The following VPS53 variants were observed in gnomAD, a reference collection of about 807,000 sequenced individuals.
VPS53 encodes the protein VPS53 subunit of GARP complex, also known as vacuolar protein sorting-associated protein 53 homolog.
A neutral mutation model predicts 107.0 loss-of-function variants in VPS53; 70 were observed. The ratio of observed to expected loss-of-function variants is 0.65; its 90% CI spans 0.54 to 0.80. The LOEUF is 0.80. Among genes scored for constraint, VPS53 ranks in the 30% least tolerant of loss-of-function variants. The probability of loss-of-function intolerance (pLI) is 0.00; values close to 1 mark genes in which losing one functional copy is unlikely to be tolerated. For synonymous variants in VPS53, 409 were observed against 393.3 expected, an observed-to-expected ratio of 1.04 and a Z score of -0.47; for missense variants, 917 against 1,049.4, an observed-to-expected ratio of 0.87 and a Z score of 1.74.
chr17:532,992 C>G, intron 18 of VPS53, 81 bp from the exon 19 acceptor site: 5 of 1,525,306 alleles, frequency 3.3e-6, no homozygotes, highest in Non-Finnish European at 4.4e-6. Context: ...TTCCACGTAT[C>G]TCCATGAAAA....
chr17:635,348 C>A (rs1174061934), intron 7 of VPS53, among the ~76,000 whole-genome samples: 1 of 152,164 alleles, frequency 6.6e-6, no homozygotes. Flanking sequence ...CTGTAGGTTG[C>A]CTGTTCACTT....
intron 13 of VPS53, among the ~76,000 whole-genome samples, chr17:573,722 C>T (rs1279643610): frequency 1.3e-5 from 2 of 152,204 alleles, no homozygotes; most frequent in Non-Finnish European, 2.9e-5. Context: ...GGAGCATGCT[C>T]AAGGTCCCAG....
At chr17:673,587 T>C (rs1047415318) in intron 4 of VPS53, 1 of 152,254 alleles carries the variant, frequency 6.6e-6, no homozygotes, top group Admixed American at 6.5e-5. Context: ...TTTGCTTCCC[T>C]ACGTGTCCGA....
intron 5 of VPS53, chr17:656,913 T>C: frequency 6.9e-7 from 1 of 1,442,780 alleles, no homozygotes; most frequent in Non-Finnish European, 9.7e-7. Flanking sequence ...ATAGTGAAAA[T>C]GTTGGAAACT....
intron 7 of VPS53, among the ~76,000 whole-genome samples, chr17:644,738 C>T (rs1173591738): frequency 6.6e-6 from 1 of 151,984 alleles, no homozygotes; most frequent in Non-Finnish European, 1.5e-5. Context: ...CACACATCAC[C>T]ACACCAGCTC....
chr17:575,305 C>T (rs1202253873), intron 13 of VPS53, among the ~76,000 whole-genome samples: 2 of 152,180 alleles, frequency 1.3e-5, no homozygotes, highest in African/African-American at 2.4e-5. Context: ...CTTACTGTTA[C>T]GGTTTAAGAA....
intron 1 of VPS53, among the ~76,000 whole-genome samples, chr17:712,108 AC>A (rs1378478438): frequency 7.4e-6 from 1 of 134,334 alleles, no homozygotes; most frequent in African/African-American, 2.8e-5. Context: ...GAGCCTCCAC[AC>A]CCGGCCTTCA....
At chr17:628,654 G>A (rs149311767) in intron 8 of VPS53, among the ~76,000 whole-genome samples, 19 of 152,250 alleles carry the variant, frequency 1.2e-4, no homozygotes, top group Non-Finnish European at 1.8e-4. Flanking sequence ...CACTCCACAT[G>A]TGCCACTCTT....
intron 12 of VPS53, among the ~76,000 whole-genome samples, chr17:589,975 C>T (rs538519477): frequency 1.3e-5 from 2 of 152,076 alleles, no homozygotes; most frequent in African/African-American, 4.8e-5. Flanking sequence ...GGCAGTATGG[C>T]CATTTTCACG....
chr17:606,920 G>C (rs1020205901), intron 11 of VPS53, among the ~76,000 whole-genome samples: 1 of 121,052 alleles, frequency 8.3e-6, no homozygotes, highest in Non-Finnish European at 1.6e-5. Context: ...ACCAGTCCCT[G>C]GTGCCAAAAA....
intron 4 of VPS53, among the ~76,000 whole-genome samples, chr17:667,407 T>C (rs1971738795): frequency 6.6e-6 from 1 of 151,230 alleles, no homozygotes; most frequent in Non-Finnish European, 1.5e-5. Context: ...TGCATACGTC[T>C]GCTTGGGAGT....
chr17:636,854 T>C (rs1970217781), intron 7 of VPS53, among the ~76,000 whole-genome samples: 2 of 152,246 alleles, frequency 1.3e-5, no homozygotes, highest in South Asian at 4.1e-4. Context: ...CCAATGTTCA[T>C]CAGGGATATT....
intron 7 of VPS53, 64 bp from the exon 8 acceptor site, chr17:631,692 C>A: frequency 2.7e-6 from 4 of 1,506,586 alleles, no homozygotes; most frequent in Non-Finnish European, 3.7e-6. Flanking sequence ...CACACCGATC[C>A]ACAGGGTCGG....
chr17:530,546 T>C (rs1230834262), intron 19 of VPS53, among the ~76,000 whole-genome samples: 1 of 152,236 alleles, frequency 6.6e-6, no homozygotes, highest in Non-Finnish European at 1.5e-5. Context: ...CTTAGTTTCC[T>C]CCTTTCTAAT....
At chr17:568,012 C>G (rs1567633808) in intron 13 of VPS53, among the ~76,000 whole-genome samples, 3 of 152,022 alleles carry the variant, frequency 2.0e-5, no homozygotes. Flanking sequence ...AGAGTGGTAT[C>G]AGTAGAGGGA....
At chr17:677,015 GAAC>G (rs1342387252) in intron 4 of VPS53, among the ~76,000 whole-genome samples, 1 of 152,086 alleles carries the variant, frequency 6.6e-6, no homozygotes, top group African/African-American at 2.4e-5. Context: ...TGAAAGTTCA[GAAC>G]AATATGGAAA....
At chr17:701,231 T>C (rs915370838) in intron 2 of VPS53, among the ~76,000 whole-genome samples, 12 of 151,892 alleles carry the variant, frequency 7.9e-5, no homozygotes, top group African/African-American at 2.9e-4. Context: ...GAGGCTGAGG[T>C]GGGAGGATCA....
intron 17 of VPS53, among the ~76,000 whole-genome samples, chr17:543,640 T>C (rs62053142): frequency 0.05 from 7,588 of 151,698 alleles, 290 homozygotes; most frequent in Non-Finnish European, 0.079. Flanking sequence ...TAAGGATTTG[T>C]AGGATTTAAA....
chr17:556,846 A>T (rs547776346), intron 15 of VPS53, among the ~76,000 whole-genome samples: 1 of 64,146 alleles, frequency 1.6e-5, no homozygotes, highest in Admixed American at 1.6e-4. Context: ...GTTAGGAAAT[A>T]AATTTGGCAG....
Sources: allele counts gnomAD v4.1 joint callset (sites outside exome capture counted in the v4.1 genomes callset), GRCh38; gene constraint gnomAD v4.1.1; transcripts MANE v1.5; gene names NCBI Gene and HGNC (gene_info 2026-07-23, HGNC 2026-07-21).